Variants in NF1 observed in about 807,000 individuals in gnomAD.
NF1 encodes the protein neurofibromin.
A neutral mutation model predicts 325.7 loss-of-function variants in NF1; 122 were observed. That is an observed-to-expected ratio of 0.37 (90% CI 0.32 to 0.44). The LOEUF (loss-of-function observed/expected upper bound fraction) is 0.44. Among genes scored for constraint, NF1 ranks in the 20% least tolerant of loss-of-function variants. The pLI is 1.00. For synonymous variants in NF1, 1,091 were observed against 1,186.0 expected (o/e 0.92, Z 1.65); for missense variants, 2,140 against 3,415.4 (o/e 0.63, Z 9.31).
chr17:31,205,830 A>C (rs1214833678), intron 11 of NF1, among the ~76,000 whole-genome samples: 4 of 152,070 alleles, frequency 2.6e-5, no homozygotes, highest in Non-Finnish European at 2.9e-5. Flanking sequence ...TAAAGCTTTG[A>C]TAATAGCATT....
intron 36 of NF1, among the ~76,000 whole-genome samples, chr17:31,292,846 T>G (rs1006025245): frequency 6.6e-6 from 1 of 152,166 alleles, no homozygotes; most frequent in South Asian, 2.1e-4. Context: ...GCATTGAGTT[T>G]TTGGTATCCT....
chr17:31,205,712 T>C (rs890388832), intron 11 of NF1, among the ~76,000 whole-genome samples: 5 of 152,188 alleles, frequency 3.3e-5, no homozygotes, highest in Admixed American at 6.6e-5. Context: ...TTAATAGTTT[T>C]ATTTCATTTA....
At position 31,222,966 on chromosome 17, in the gene NF1, T is replaced by C. The variant is rs1260962063; in HGVS notation, c.1722-478T>C. ...TATAGTTTCTGTCATAACCATTCAG[T>C]TCTGCCTTTGGAGCATGAAAGTGGC... On this transcript the variant is annotated intron_variant, in intron 15 of 57. Coordinates refer to ENST00000358273, the MANE Select transcript of NF1 (RefSeq NM_001042492.3). 3.3e-5 allele frequency among the ~76,000 whole-genome samples: 5 copies of C among 152,330 alleles called. No individual in the cohort carries two copies. In the South Asian group the frequency reaches 1.0e-3, roughly 32 times the overall value.
intron 29 of NF1, among the ~76,000 whole-genome samples, chr17:31,239,593 AAAT>A (rs2067260095): frequency 6.6e-6 from 1 of 152,164 alleles, no homozygotes; most frequent in African/African-American, 2.4e-5. Context: ...AATAGGAAAA[AAAT>A]AATGAAACGC....
chr17:31,195,117 A>G (rs2066411306), intron 8 of NF1, among the ~76,000 whole-genome samples: 1 of 152,220 alleles, frequency 6.6e-6, no homozygotes, highest in South Asian at 2.1e-4. Flanking sequence ...TTTGCTTATC[A>G]TTAGTTTTAA....
chr17:31,266,226 G>T (rs995692880), intron 36 of NF1, among the ~76,000 whole-genome samples: 5 of 152,272 alleles, frequency 3.3e-5, no homozygotes, highest in African/African-American at 1.2e-4. Context: ...GACTTACATT[G>T]TTAGTCAGCT....
intron 36 of NF1, among the ~76,000 whole-genome samples, chr17:31,275,182 G>A (rs2067980602): frequency 1.3e-5 from 2 of 152,184 alleles, no homozygotes; most frequent in Non-Finnish European, 2.9e-5. Flanking sequence ...TGCCCAAAGT[G>A]TAATAATAGC....
chr17:31,182,722 C>G (rs2143787990), intron 8 of NF1, 57 bp downstream of exon 8: 2 of 1,497,272 alleles, frequency 1.3e-6, no homozygotes, highest in Non-Finnish European at 1.8e-6. Context: ...TTATTTTACT[C>G]AAGGTGTGTA....
chr17:31,277,068 T>C (rs2068023238), intron 36 of NF1, among the ~76,000 whole-genome samples: 1 of 152,202 alleles, frequency 6.6e-6, no homozygotes, highest in African/African-American at 2.4e-5. Flanking sequence ...CAGAAAATCA[T>C]GAGGAAGAGA....
At position 31,238,805 on chromosome 17, in the gene NF1, T is replaced by C. The variant is rs150690763; in HGVS notation, c.3974+2784T>C. Among the ~76,000 whole-genome samples, 4 of 151,488 alleles carry C rather than the reference T, an allele frequency of 2.6e-5. 1 individual carries two copies. The highest frequency in any genetic ancestry group is 9.7e-5 in the African/African-American group (4 of 41,272). On this transcript the variant is annotated intron_variant, in intron 29 of 57. Transcript: ENST00000358273. ...TTGGCCCAATAAAACAATGGAGATA[T>C]AATCAGATTGTAGAGTACTTCCCTT...
At chr17:31,216,658 C>G (rs1027965613) in intron 13 of NF1, among the ~76,000 whole-genome samples, 3 of 152,104 alleles carry the variant, frequency 2.0e-5, no homozygotes, top group African/African-American at 7.2e-5. Context: ...TATGCCCCCT[C>G]TCAGCTTGAA....
intron 5 of NF1, among the ~76,000 whole-genome samples, chr17:31,170,390 C>T (rs1488750063): frequency 6.6e-6 from 1 of 152,144 alleles, no homozygotes; most frequent in Non-Finnish European, 1.5e-5. Context: ...AGTTTTATTG[C>T]AGAATGGAAC....
chr17:31,145,493 T>C (rs1245473632), intron 1 of NF1, among the ~76,000 whole-genome samples: 1 of 152,162 alleles, frequency 6.6e-6, no homozygotes, highest in African/African-American at 2.4e-5. Flanking sequence ...ATCCCATGGC[T>C]GGTCTTCCCA....
intron 5 of NF1, among the ~76,000 whole-genome samples, chr17:31,175,914 G>A (rs2066014543): frequency 6.6e-6 from 1 of 152,170 alleles, no homozygotes; most frequent in Admixed American, 6.5e-5. Context: ...TCTTTATCCA[G>A]TCTATCATTG....
intron 36 of NF1, among the ~76,000 whole-genome samples, chr17:31,265,942 C>T (rs1463167141): frequency 6.6e-6 from 1 of 152,148 alleles, no homozygotes; most frequent in Non-Finnish European, 1.5e-5. Context: ...CTTGCTTTCC[C>T]TACCATTGTC....
In NF1 at chr17:31,309,794, G is replaced by A. The variant is rs115553847; in HGVS notation, c.4836-16026G>A. 4.5e-3 allele frequency among the ~76,000 whole-genome samples: 691 copies of A among 152,300 alleles called. 3 individuals are homozygous for A. Among genetic ancestry groups the A allele is most frequent in the African/African-American group, 0.016 (650 of 41,560 alleles). On this transcript the variant is annotated intron_variant, in intron 36 of 57. Coordinates refer to ENST00000358273, the MANE Select transcript of NF1 (RefSeq NM_001042492.3). ...GATAGGCTCCTATCCTCTACTGTCAGTAGTAAGCTGGTGGAACCCTCCATG... is the reference window on the plus strand; with the variant it reads ...GATAGGCTCCTATCCTCTACTGTCAATAGTAAGCTGGTGGAACCCTCCATG...
intron 36 of NF1, chr17:31,295,933 G>A (rs754749131): frequency 1.4e-5 from 22 of 1,613,968 alleles, no homozygotes; most frequent in Non-Finnish European, 1.7e-5. Context: ...TTTCCAGCAT[G>A]TTCTTAGAAA....
chr17:31,377,670 C>T lies in NF1; in HGVS notation c.*3515C>T, dbSNP rs778575478. 1 of 209,768 alleles carries T rather than the reference C, an allele frequency of 4.8e-6. No individual in the cohort carries two copies. The highest frequency in any genetic ancestry group is 9.6e-6 in the Non-Finnish European group (1 of 104,156). The allele number at this position is 209,768 out of a possible 1,614,324, so 13.0% of individuals were successfully genotyped here. On this transcript the variant is annotated 3_prime_UTR_variant, in exon 58 of 58. Transcript: ENST00000358273. ...TTAAGTAAAATGTAAATTCAATCTG[C>T]TCTAAGATATGAGGAGTTATTTAAT...
rs148692051 is a variant in NF1, at chr17:31,299,036, A to G, written c.4836-26784A>G. On this transcript the variant is annotated intron_variant, in intron 36 of 57. Transcript: ENST00000358273. ...ATCAAGTTTAGTTTCTGTTGTATAT[A>G]ATAGAAAATTCCAGTGCAATAGTAG... Among the ~76,000 whole-genome samples the G allele has an allele frequency of 6.7e-3, 1,024 of 152,198 alleles. 18 individuals carry two copies. The highest frequency in any genetic ancestry group is 0.023 in the African/African-American group (959 of 41,580).
Sources: allele counts gnomAD v4.1 joint callset (sites outside exome capture counted in the v4.1 genomes callset), GRCh38; gene constraint gnomAD v4.1.1; transcripts MANE v1.5; gene names NCBI Gene and HGNC (gene_info 2026-07-23, HGNC 2026-07-21).